MAST4: variants seen among roughly 807,000 people sequenced by gnomAD.
MAST4 encodes the protein microtubule associated serine/threonine kinase family member 4.
MAST4 carries 89 observed loss-of-function variants against 162.7 expected under a neutral mutation model. The observed-to-expected ratio is 0.55, with a 90% CI of 0.46 to 0.65. The LOEUF (loss-of-function observed/expected upper bound fraction) is 0.65, where lower values mean the gene tolerates loss of function less well. MAST4 is among the 30% of genes least tolerant of loss of function. The probability of loss-of-function intolerance (pLI) is 0.00; values close to 1 mark genes in which losing one functional copy is unlikely to be tolerated. For synonymous variants in MAST4, 1,479 were observed against 1,361.1 expected (o/e 1.09, Z -1.91); for missense variants, 3,153 against 3,374.0 (o/e 0.93, Z 1.62).
intron 5 of MAST4, among the ~76,000 whole-genome samples, chr5:67,065,532 G>C (rs1000680549): frequency 5.3e-5 from 8 of 152,112 alleles, no homozygotes; most frequent in African/African-American, 9.7e-5. Flanking sequence ...TTAGTGTGAG[G>C]ATCAGCCAGC....
intron 1 of MAST4, among the ~76,000 whole-genome samples, chr5:66,747,923 T>A (rs1752867427): frequency 1.3e-5 from 2 of 152,030 alleles, no homozygotes; most frequent in South Asian, 4.2e-4. Context: ...TCACTATGAG[T>A]TCAGAACTGC....
chr5:66,958,887 T>C (rs1244075277), intron 4 of MAST4: 5 of 234,482 alleles, frequency 2.1e-5, no homozygotes, highest in Admixed American at 4.9e-5. Context: ...TTTGCCCCAG[T>C]CTGCAGGGTG....
chr5:66,693,555 G>A (rs1749188409), intron 1 of MAST4, among the ~76,000 whole-genome samples: 2 of 127,634 alleles, frequency 1.6e-5, no homozygotes, highest in South Asian at 2.5e-4. Context: ...GTGATTTTAG[G>A]AAGATTTGTT....
chr5:67,144,386 T>G (rs1770783388), intron 21 of MAST4, among the ~76,000 whole-genome samples: 1 of 152,150 alleles, frequency 6.6e-6, no homozygotes, highest in South Asian at 2.1e-4. Context: ...GGATTTTGTT[T>G]GCAGATACAA....
chr5:66,949,177 A>G (rs962434280), intron 4 of MAST4, among the ~76,000 whole-genome samples: 3 of 152,312 alleles, frequency 2.0e-5, no homozygotes, highest in Admixed American at 2.0e-4. Flanking sequence ...AGCTTACTAC[A>G]GTAGAAAGAA....
chr5:66,656,249 G>A (rs541620196), intron 1 of MAST4, among the ~76,000 whole-genome samples: 150 of 152,262 alleles, frequency 9.9e-4, no homozygotes, highest in Non-Finnish European at 1.9e-3. Flanking sequence ...CAGGGTTAGA[G>A]TTTACTTAAT....
In MAST4 at chr5:66,603,907, A is replaced by G. The variant is rs191593350; in HGVS notation, c.363+6889A>G. On this transcript the variant is annotated intron_variant, in intron 1 of 28. Coordinates refer to ENST00000403625, the MANE Select transcript of MAST4 (RefSeq NM_001164664.2). ...AGTATTTTGTCTGGCTTCTTATTTGATGATGTTATTTTAGGTTAAAGCATA... is the reference window on the plus strand; with the variant it reads ...AGTATTTTGTCTGGCTTCTTATTTGGTGATGTTATTTTAGGTTAAAGCATA... Among the ~76,000 whole-genome samples the G allele has an allele frequency of 1.7e-4, 26 of 152,272 alleles. No individual in the cohort carries two copies. In the East Asian group the frequency reaches 4.8e-3, roughly 28 times the overall value.
At chr5:66,868,755 A>T (rs1190960371) in intron 3 of MAST4, among the ~76,000 whole-genome samples, 2 of 152,122 alleles carry the variant, frequency 1.3e-5, no homozygotes, top group Non-Finnish European at 2.9e-5. Flanking sequence ...CTATTGTTAC[A>T]GATTTATTGT....
At chr5:66,804,929 TAA>T (rs1370929245) in intron 3 of MAST4, among the ~76,000 whole-genome samples, 1 of 152,228 alleles carries the variant, frequency 6.6e-6, no homozygotes, top group African/African-American at 2.4e-5. Context: ...TCTTCAGTTT[TAA>T]GTCTTTCTTC....
chr5:66,890,588 C>A (rs993464560), intron 3 of MAST4, among the ~76,000 whole-genome samples: 123 of 152,156 alleles, frequency 8.1e-4, no homozygotes, highest in African/African-American at 2.9e-3. Context: ...ATCAGAGTCT[C>A]TAAAAAGTGT....
At chr5:66,745,241 T>TGG (rs1160671547) in intron 1 of MAST4, among the ~76,000 whole-genome samples, 10 of 152,172 alleles carry the variant, frequency 6.6e-5, no homozygotes, top group Non-Finnish European at 1.5e-4. Context: ...CTGATCCTTT[T>TGG]GGGTGGTGTA....
chr5:66,936,375 G>T (rs1242046853), intron 4 of MAST4, among the ~76,000 whole-genome samples: 1 of 152,196 alleles, frequency 6.6e-6, no homozygotes. Flanking sequence ...GTACGTCCCT[G>T]TGAAGAGACT....
At chr5:66,788,636 G>C (rs773067108) in intron 2 of MAST4, 34 bp from the exon 3 acceptor site, 2 of 1,487,544 alleles carry the variant, frequency 1.3e-6, no homozygotes, top group Non-Finnish European at 1.8e-6. Flanking sequence ...CCGGCTGCCT[G>C]TCACTTACAT....
intron 1 of MAST4, among the ~76,000 whole-genome samples, chr5:66,695,922 A>G (rs1048254394): frequency 6.6e-6 from 1 of 152,218 alleles, no homozygotes; most frequent in Non-Finnish European, 1.5e-5. Context: ...TTGCAGTACT[A>G]TTCACAATAG....
chr5:66,795,277 T>C (rs1755595553), intron 3 of MAST4, among the ~76,000 whole-genome samples: 1 of 152,244 alleles, frequency 6.6e-6, no homozygotes, highest in South Asian at 2.1e-4. Context: ...TATTCCAGTA[T>C]GTGGATTTAT....
At chr5:66,871,502 T>TA (rs1481929919) in intron 3 of MAST4, among the ~76,000 whole-genome samples, 2 of 152,334 alleles carry the variant, frequency 1.3e-5, no homozygotes, top group Admixed American at 6.5e-5. Context: ...TAGATAGCAG[T>TA]AGCCACAGAA....
At chr5:66,639,254 T>C (rs925282203) in intron 1 of MAST4, among the ~76,000 whole-genome samples, 1 of 139,850 alleles carries the variant, frequency 7.2e-6, no homozygotes, top group Non-Finnish European at 1.5e-5. Context: ...GTGGTCAGTG[T>C]GTTGATTAGT....
intron 3 of MAST4, among the ~76,000 whole-genome samples, chr5:66,847,570 G>C (rs1037149786): frequency 6.6e-6 from 1 of 152,078 alleles, no homozygotes; most frequent in Non-Finnish European, 1.5e-5. Context: ...AGGAGGCAGA[G>C]GTTGCAGTGA....
chr5:67,057,407 CA>C (rs1431325927), intron 5 of MAST4, among the ~76,000 whole-genome samples: 1 of 151,980 alleles, frequency 6.6e-6, no homozygotes, highest in African/African-American at 2.4e-5. Context: ...TCATCACGGA[CA>C]CATCGTTTGT....
Sources: gnomAD v4.1 joint callset for allele counts (sites outside exome capture counted in the v4.1 genomes callset) on GRCh38, gnomAD v4.1.1 for gene constraint, MANE v1.5 for transcripts, NCBI Gene and HGNC (gene_info 2026-07-23, HGNC 2026-07-21) for gene names.